CRPPA: variants seen among roughly 807,000 people sequenced by gnomAD.
The protein encoded by CRPPA is CDP-L-ribitol pyrophosphorylase A, also known as D-ribitol-5-phosphate cytidylyltransferase.
CRPPA carries 43 observed loss-of-function variants against 52.0 expected under a neutral mutation model. That is an observed-to-expected ratio of 0.83 (90% CI 0.65 to 1.07). The LOEUF is 1.07. Among genes scored for constraint, CRPPA ranks in the 50% least tolerant of loss-of-function variants. The pLI is 0.00. For missense variants in CRPPA, 629 were observed against 551.7 expected (o/e 1.14, Z -1.40); for synonymous variants, 250 against 203.5 (o/e 1.23, Z -1.94).
intron 2 of CRPPA, among the ~76,000 whole-genome samples, chr7:16,380,472 C>A (rs1322686626): frequency 6.6e-6 from 1 of 152,042 alleles, no homozygotes; most frequent in Non-Finnish European, 1.5e-5. Context: ...GTGTCTCTGC[C>A]CGGCTTTGGT....
At chr7:16,314,145 A>G (rs78032071) in intron 3 of CRPPA, among the ~76,000 whole-genome samples, 4,233 of 151,640 alleles carry the variant, frequency 0.028, 218 homozygotes, top group African/African-American at 0.098. Context: ...TCTTCTTGCA[A>G]TTCTATTAGT....
At chr7:16,326,714 C>T (rs2158485) in intron 3 of CRPPA, among the ~76,000 whole-genome samples, 138,541 of 152,240 alleles carry the variant, frequency 0.91, 63,216 homozygotes, top group Non-Finnish European at 0.95. Context: ...AGTTGTGTGA[C>T]TCTCTTTTTC....
intron 8 of CRPPA, among the ~76,000 whole-genome samples, chr7:16,216,989 G>C (rs889465552): frequency 6.6e-6 from 1 of 152,036 alleles, no homozygotes; most frequent in Non-Finnish European, 1.5e-5. Context: ...CTGGGGGCAG[G>C]GCACAGACAA....
intron 9 of CRPPA, among the ~76,000 whole-genome samples, chr7:16,118,009 T>C (rs1782412108): frequency 6.6e-6 from 1 of 152,234 alleles, no homozygotes; most frequent in Non-Finnish European, 1.5e-5. Context: ...CTAATGTAAT[T>C]ACATATCCCA....
At chr7:16,265,979 G>C (rs183468654) in intron 6 of CRPPA, among the ~76,000 whole-genome samples, 38 of 152,276 alleles carry the variant, frequency 2.5e-4, no homozygotes, top group African/African-American at 8.4e-4. Flanking sequence ...CTGGACATCA[G>C]TGTTACTCTA....
intron 5 of CRPPA, among the ~76,000 whole-genome samples, chr7:16,278,524 G>A (rs1390404853): frequency 2.0e-5 from 3 of 152,194 alleles, no homozygotes; most frequent in Non-Finnish European, 4.4e-5. Flanking sequence ...ACAACCATTT[G>A]AAGTTCAACA....
chr7:16,215,529 C>A (rs1214799554), intron 9 of CRPPA, among the ~76,000 whole-genome samples: 1 of 152,114 alleles, frequency 6.6e-6, no homozygotes, highest in Non-Finnish European at 1.5e-5. Flanking sequence ...AGTTAAGTAC[C>A]ATGCCCTCTT....
At position 16,307,583 on chromosome 7, in the gene CRPPA, G is replaced by A. The variant is rs569630486; in HGVS notation, c.789+940C>T. Among the ~76,000 whole-genome samples the A allele has an allele frequency of 2.0e-5, 3 of 149,904 alleles. No individual in the cohort carries two copies. In the East Asian group the frequency reaches 6.0e-4, roughly 30 times the overall value. On this transcript the variant is annotated intron_variant, in intron 4 of 9. Transcript: ENST00000407010. ...TGATCCCAGCTACTTGGGAGGCTGGGACAGGAGAATTGCTTGAAATTTGGA... is the reference window on the plus strand; with the variant it reads ...TGATCCCAGCTACTTGGGAGGCTGGAACAGGAGAATTGCTTGAAATTTGGA...
intron 3 of CRPPA, among the ~76,000 whole-genome samples, chr7:16,310,679 C>T (rs1227858688): frequency 3.7e-5 from 5 of 135,660 alleles, no homozygotes; most frequent in South Asian, 4.4e-4. Flanking sequence ...AAAAGATAGA[C>T]GAAAACAACC....
intron 9 of CRPPA, among the ~76,000 whole-genome samples, chr7:16,162,845 A>T (rs368243019): frequency 1.3e-5 from 2 of 151,822 alleles, no homozygotes; most frequent in African/African-American, 4.8e-5. Flanking sequence ...AACTTGCTTT[A>T]TGAATCTGGG....
chr7:16,175,145 T>C (rs1781269531), intron 9 of CRPPA, among the ~76,000 whole-genome samples: 1 of 152,094 alleles, frequency 6.6e-6, no homozygotes, highest in African/African-American at 2.4e-5. Flanking sequence ...GTTAAATAAA[T>C]TTGCACATAT....
intron 2 of CRPPA, among the ~76,000 whole-genome samples, chr7:16,379,022 A>AGTAGGTTGCGAAAATTTTCTCACATTTT (rs1786995134): frequency 6.6e-6 from 1 of 152,042 alleles, no homozygotes; most frequent in African/African-American, 2.4e-5. Context: ...TTGTCAGATG[A>AGTAGGTTGCGAAAATTTTCTCACATTTT]GTAGGTTGCG....
At chr7:16,091,890 G>A (rs748692638) in intron 9 of CRPPA, 91 bp from the exon 10 acceptor site, 9 of 695,416 alleles carry the variant, frequency 1.3e-5, no homozygotes, top group Non-Finnish European at 1.6e-5. Flanking sequence ...GATCTGCTGC[G>A]GTCTGGATTT....
At chr7:16,250,136 T>C (rs1263709697) in intron 8 of CRPPA, among the ~76,000 whole-genome samples, 3 of 151,502 alleles carry the variant, frequency 2.0e-5, no homozygotes, top group East Asian at 1.9e-4. Context: ...ATATCAGTGA[T>C]TACTTAATGA....
intron 5 of CRPPA, among the ~76,000 whole-genome samples, chr7:16,286,069 ATATATATATAT>A (rs1784434733): frequency 1.3e-4 from 4 of 31,770 alleles, no homozygotes; most frequent in Non-Finnish European, 2.3e-4. Context: ...ATATATATAT[ATATATATATAT>A]AATATTTAAA....
In CRPPA at chr7:16,148,233, C is replaced by T. The variant is rs74349004; in HGVS notation, c.1252-56434G>A. Among the ~76,000 whole-genome samples, 1,083 of 152,122 alleles carry T rather than the reference C, an allele frequency of 7.1e-3. 20 individuals are homozygous for T. Among genetic ancestry groups the T allele is most frequent in the East Asian group, 0.065 (338 of 5,178 alleles). ...CTCTTCCTCTTAAAAGTACAACCTC[C>T]AATTTCTCAAAAAATCAAAAATACA... On this transcript the variant is annotated intron_variant, in intron 9 of 9. Coordinates refer to ENST00000407010, the MANE Select transcript of CRPPA (RefSeq NM_001101426.4).
At chr7:16,112,903 G>C (rs1449559316) in intron 9 of CRPPA, among the ~76,000 whole-genome samples, 1 of 151,960 alleles carries the variant, frequency 6.6e-6, no homozygotes, top group Non-Finnish European at 1.5e-5. Flanking sequence ...GGAATATGTA[G>C]TTAGGCAAGA....
intron 5 of CRPPA, among the ~76,000 whole-genome samples, chr7:16,283,710 C>T (rs893085957): frequency 6.6e-6 from 1 of 151,732 alleles, no homozygotes; most frequent in Non-Finnish European, 1.5e-5. Context: ...GAGCTGCATT[C>T]AGTCGCCCAT....
intron 6 of CRPPA, chr7:16,276,827 A>G (rs1408568140): frequency 6.6e-6 from 1 of 152,246 alleles, no homozygotes; most frequent in East Asian, 1.9e-4. Flanking sequence ...GTCATCTTTC[A>G]GCTATAAACT....
Sources: allele counts gnomAD v4.1 joint callset (sites outside exome capture counted in the v4.1 genomes callset), GRCh38; gene constraint gnomAD v4.1.1; transcripts MANE v1.5; gene names NCBI Gene and HGNC (gene_info 2026-07-23, HGNC 2026-07-21).